Variants in ARHGAP10 observed in about 807,000 individuals in gnomAD.
ARHGAP10 encodes the protein rho GTPase-activating protein 10.
A neutral mutation model predicts 108.6 loss-of-function variants in ARHGAP10; 87 were observed. That is an observed-to-expected ratio of 0.80 (90% CI 0.67 to 0.96). ARHGAP10 has a LOEUF of 0.96. Ranked by LOEUF, ARHGAP10 falls within the 40% of genes least tolerant of loss-of-function variation. The pLI is 0.00. For synonymous variants in ARHGAP10, 347 were observed against 341.1 expected (o/e 1.02, Z -0.19); for missense variants, 939 against 954.5 (o/e 0.98, Z 0.21).
intron 4 of ARHGAP10, among the ~76,000 whole-genome samples, chr4:147,852,327 G>C (rs1733904008): frequency 6.6e-6 from 1 of 152,230 alleles, no homozygotes; most frequent in Non-Finnish European, 1.5e-5. Flanking sequence ...GCAGTCCTGT[G>C]CTGGCCGTTC....
At position 147,841,676 on chromosome 4, in the gene ARHGAP10, A is replaced by G. The variant is rs554895166; in HGVS notation, c.313-5475A>G. ...AGGAAATTCTTGTTGCTCAGTTGACATTGCCTTATTGAAACATTTATTGGC... is the reference window on the plus strand; with the variant it reads ...AGGAAATTCTTGTTGCTCAGTTGACGTTGCCTTATTGAAACATTTATTGGC... On this transcript the variant is annotated intron_variant, in intron 3 of 22. Coordinates refer to ENST00000336498, the MANE Select transcript of ARHGAP10 (RefSeq NM_024605.4). 1.2e-3 allele frequency among the ~76,000 whole-genome samples: 179 copies of G among 152,262 alleles called. 1 individual carries two copies. Among genetic ancestry groups the G allele is most frequent in the African/African-American group, 4.0e-3 (165 of 41,562 alleles).
chr4:147,736,288 G>A (rs1728410174), intron 1 of ARHGAP10, among the ~76,000 whole-genome samples: 2 of 152,084 alleles, frequency 1.3e-5, no homozygotes, highest in Admixed American at 6.6e-5. Flanking sequence ...TTCTAGCCTT[G>A]GCATTTTAAT....
At chr4:148,043,764 G>GTGTATATATGTATATATATA (rs1728755490) in intron 19 of ARHGAP10, among the ~76,000 whole-genome samples, 1 of 140,414 alleles carries the variant, frequency 7.1e-6, no homozygotes, top group African/African-American at 2.7e-5. Context: ...GTATATATAT[G>GTGTATATATGTATATATATA]TGTATATATA....
intron 8 of ARHGAP10, among the ~76,000 whole-genome samples, chr4:147,877,815 C>T (rs1008092754): frequency 9.0e-6 from 1 of 111,414 alleles, no homozygotes; most frequent in Admixed American, 8.3e-5. Flanking sequence ...TCTTATTCTT[C>T]ATACTTTTTT....
Position 147,955,053 on chromosome 4 carries a change from C to T in ARHGAP10, c.1392-263C>T, listed in dbSNP as rs1331702667. Among the ~76,000 whole-genome samples the T allele has an allele frequency of 2.0e-5, 3 of 152,050 alleles. No homozygotes were observed. The East Asian group carries it at 5.8e-4, about 29-fold the overall frequency. On this transcript the variant is annotated intron_variant, in intron 15 of 22. Coordinates refer to ENST00000336498, the MANE Select transcript of ARHGAP10 (RefSeq NM_024605.4). ...ATAAAACCAGATGTTCACAAAGCTA[C>T]TTTCCGTGATTAGATATGAAATACT... is the stretch of plus-strand genomic sequence containing the variant.
At chr4:148,036,244 C>G (rs1370888985) in intron 19 of ARHGAP10, among the ~76,000 whole-genome samples, 1 of 152,078 alleles carries the variant, frequency 6.6e-6, no homozygotes, top group African/African-American at 2.4e-5. Flanking sequence ...TGGACTGTTT[C>G]TTTCTGTAGA....
At chr4:147,881,793 A>T (rs1397047892) in intron 9 of ARHGAP10, 45 bp from the exon 10 acceptor site, 1 of 1,584,546 alleles carries the variant, frequency 6.3e-7, no homozygotes, top group South Asian at 1.1e-5. Flanking sequence ...GTGTGTATAT[A>T]CTTATCCTGT....
At chr4:147,750,108 T>G (rs1394415821) in intron 1 of ARHGAP10, among the ~76,000 whole-genome samples, 1 of 152,248 alleles carries the variant, frequency 6.6e-6, no homozygotes, top group Non-Finnish European at 1.5e-5. Context: ...AAGACCTTTG[T>G]ATTTTTTGAC....
intron 10 of ARHGAP10, among the ~76,000 whole-genome samples, chr4:147,903,925 A>C (rs1390391047): frequency 2.6e-5 from 4 of 152,230 alleles, no homozygotes; most frequent in Admixed American, 2.6e-4. Flanking sequence ...GTGAATAAAC[A>C]TCCATGTGCA....
intron 20 of ARHGAP10, among the ~76,000 whole-genome samples, chr4:148,062,711 C>T (rs971562739): frequency 6.6e-5 from 10 of 152,286 alleles, no homozygotes; most frequent in East Asian, 5.8e-4. Context: ...AATTGCCACA[C>T]GTGTAGGAGC....
intron 10 of ARHGAP10, among the ~76,000 whole-genome samples, chr4:147,898,449 A>G (rs1027424773): frequency 3.3e-5 from 5 of 151,012 alleles, no homozygotes; most frequent in Admixed American, 3.3e-4. Context: ...TTTTTAAATA[A>G]TTTTTATGAT....
intron 1 of ARHGAP10, among the ~76,000 whole-genome samples, chr4:147,775,652 C>T (rs1477020501): frequency 6.6e-6 from 1 of 152,104 alleles, no homozygotes; most frequent in Non-Finnish European, 1.5e-5. Context: ...CTACGCTGAC[C>T]TGGTTTTGAA....
chr4:147,825,937 C>T (rs1378086655), intron 3 of ARHGAP10, among the ~76,000 whole-genome samples: 1 of 152,136 alleles, frequency 6.6e-6, no homozygotes, highest in Admixed American at 6.5e-5. Context: ...AGGTTAGATT[C>T]TAGGCGGGGG....
chr4:147,966,911 G>A, intron 18 of ARHGAP10, 72 bp downstream of exon 18: 1 of 1,270,630 alleles, frequency 7.9e-7, no homozygotes, highest in Non-Finnish European at 1.0e-6. Flanking sequence ...GATCCTCTTA[G>A]ATTTCCCTTT....
chr4:147,739,697 T>A (rs535654692), intron 1 of ARHGAP10, among the ~76,000 whole-genome samples: 1 of 152,246 alleles, frequency 6.6e-6, no homozygotes, highest in Admixed American at 6.5e-5. Flanking sequence ...CTGTTTTGAA[T>A]TCTGTGACTT....
intron 19 of ARHGAP10, among the ~76,000 whole-genome samples, chr4:148,046,299 A>G (rs1212894523): frequency 2.0e-5 from 3 of 152,242 alleles, no homozygotes; most frequent in East Asian, 1.9e-4. Flanking sequence ...GTTTAAATTC[A>G]TCGTGTGGCA....
At chr4:147,850,383 C>A (rs1733822006) in intron 4 of ARHGAP10, among the ~76,000 whole-genome samples, 1 of 152,232 alleles carries the variant, frequency 6.6e-6, no homozygotes, top group Non-Finnish European at 1.5e-5. Context: ...TGCAATAAAT[C>A]TGGCTGCTGC....
chr4:147,833,087 A>T (rs546885359), intron 3 of ARHGAP10, among the ~76,000 whole-genome samples: 3 of 152,342 alleles, frequency 2.0e-5, no homozygotes, highest in African/African-American at 4.8e-5. Context: ...GGATACAAGA[A>T]TGGAGCTCCT....
chr4:148,068,073 C>G (rs550537146), intron 22 of ARHGAP10, among the ~76,000 whole-genome samples: 21 of 151,976 alleles, frequency 1.4e-4, no homozygotes, highest in Non-Finnish European at 2.6e-4. Context: ...TCCCTTTTCT[C>G]TGGGCCTGGG....
Sources: gnomAD v4.1 joint callset for allele counts (sites outside exome capture counted in the v4.1 genomes callset) on GRCh38, gnomAD v4.1.1 for gene constraint, MANE v1.5 for transcripts, NCBI Gene and HGNC (gene_info 2026-07-23, HGNC 2026-07-21) for gene names.